Variants in LRRC4C observed in about 807,000 individuals in gnomAD.
LRRC4C encodes leucine rich repeat containing 4C, also known as leucine-rich repeat-containing protein 4C.
A neutral mutation model predicts 33.6 loss-of-function variants in LRRC4C; 5 were observed. That is an observed-to-expected ratio of 0.15 (90% CI 0.08 to 0.31). The LOEUF (loss-of-function observed/expected upper bound fraction) is 0.31. Among genes scored for constraint, LRRC4C ranks in the 10% least tolerant of loss-of-function variants. The pLI is 1.00. For synonymous variants in LRRC4C, 329 were observed against 302.0 expected (o/e 1.09, Z -0.93); for missense variants, 560 against 796.7 (o/e 0.70, Z 3.58).
Position 40,936,346 on chromosome 11 carries a change from T to G in LRRC4C, c.-495-2623A>C, listed in dbSNP as rs548954192. ...TAGTATCTAACACTTGTTTTTTTTTTTTTTTTTTTGAGATGGAGTCTCACT... is the reference window on the plus strand; with the variant it reads ...TAGTATCTAACACTTGTTTTTTTTTGTTTTTTTTTGAGATGGAGTCTCACT... On this transcript the variant is annotated intron_variant, in intron 1 of 6. Transcript: ENST00000528697. Among the ~76,000 whole-genome samples, 5 of 141,284 alleles carry G rather than the reference T, an allele frequency of 3.5e-5. No homozygotes were observed. In the South Asian group the frequency reaches 1.1e-3, roughly 32 times the overall value. The allele number at this position is 141,284 out of a possible 152,430, so 92.7% of individuals were successfully genotyped here. A position where few individuals can be genotyped will look rare whatever the true frequency, so the allele number is the denominator to read the frequency against.
At chr11:40,742,214 C>G (rs1033584697) in intron 2 of LRRC4C, among the ~76,000 whole-genome samples, 1 of 151,842 alleles carries the variant, frequency 6.6e-6, no homozygotes, top group Non-Finnish European at 1.5e-5. Context: ...GTCTTTGAGG[C>G]ATCATTGAGA....
rs141878081 is a variant in LRRC4C at position 41,287,338 on chromosome 11, A to G, written c.-496+172093T>C. 5.4e-3 allele frequency among the ~76,000 whole-genome samples: 828 copies of G among 152,294 alleles called. 9 individuals are homozygous for G. The highest frequency in any genetic ancestry group is 0.031 in the Middle Eastern group (9 of 294). On this transcript the variant is annotated intron_variant, in intron 1 of 6. Coordinates refer to ENST00000528697, the MANE Select transcript of LRRC4C (RefSeq NM_001258419.2). ...CAGAATTCTCAAGTCAGACCAGAAC[A>G]TAGGATGATGGAAGGGTTTCTTACT...
chr11:41,270,956 T>C (rs538725955), intron 1 of LRRC4C, among the ~76,000 whole-genome samples: 23 of 152,122 alleles, frequency 1.5e-4, no homozygotes, highest in African/African-American at 4.3e-4. Flanking sequence ...TGTGTGTCTC[T>C]GTATCTTAAA....
intron 2 of LRRC4C, among the ~76,000 whole-genome samples, chr11:40,774,741 G>A (rs1949909811): frequency 1.3e-5 from 2 of 152,154 alleles, no homozygotes; most frequent in South Asian, 4.1e-4. Flanking sequence ...CTATTGATGT[G>A]CATTTTTGTT....
chr11:40,364,785 C>T (rs1015232947), intron 3 of LRRC4C, among the ~76,000 whole-genome samples: 60 of 151,912 alleles, frequency 3.9e-4, no homozygotes, highest in African/African-American at 1.4e-3. Flanking sequence ...GGTAATGCAT[C>T]TTATAAACAG....
intron 1 of LRRC4C, among the ~76,000 whole-genome samples, chr11:41,210,837 G>A (rs1946793345): frequency 6.6e-6 from 1 of 152,174 alleles, no homozygotes; most frequent in East Asian, 1.9e-4. Context: ...TTCAGGGAAG[G>A]TAATTCTTCC....
At chr11:41,252,331 C>A (rs187833295) in intron 1 of LRRC4C, among the ~76,000 whole-genome samples, 1 of 152,236 alleles carries the variant, frequency 6.6e-6, no homozygotes, top group Non-Finnish European at 1.5e-5. Context: ...TTCTTGGTTA[C>A]ATTTTGAAGA....
intron 1 of LRRC4C, among the ~76,000 whole-genome samples, chr11:41,197,445 G>C (rs974916336): frequency 7.2e-5 from 11 of 151,984 alleles, no homozygotes; most frequent in African/African-American, 2.7e-4. Context: ...AAATCTATTT[G>C]CTTGTCCTAC....
intron 3 of LRRC4C, among the ~76,000 whole-genome samples, chr11:40,352,239 AT>A (rs756308994): frequency 1.1e-5 from 1 of 89,752 alleles, no homozygotes; most frequent in Non-Finnish European, 2.5e-5. Context: ...CTTGCTTTTT[AT>A]TTTTTGTGGA....
At chr11:40,675,057 G>A (rs1453002475) in intron 2 of LRRC4C, among the ~76,000 whole-genome samples, 1 of 152,140 alleles carries the variant, frequency 6.6e-6, no homozygotes, top group Admixed American at 6.5e-5. Context: ...ACACAAAGCA[G>A]AACTTCTATC....
intron 1 of LRRC4C, among the ~76,000 whole-genome samples, chr11:41,059,218 T>TTTTTTTC (rs1409324981): frequency 1.3e-5 from 2 of 149,546 alleles, no homozygotes; most frequent in East Asian, 2.0e-4. Flanking sequence ...AAGTTTTTTT[T>TTTTTTTC]TTTTTTTAAG....
At chr11:40,669,060 G>C (rs998671933) in intron 2 of LRRC4C, among the ~76,000 whole-genome samples, 3 of 152,194 alleles carry the variant, frequency 2.0e-5, no homozygotes, top group South Asian at 4.1e-4. Flanking sequence ...TTCTATTCTG[G>C]GTAGCCCTCG....
At chr11:40,750,814 A>G (rs1335720254) in intron 2 of LRRC4C, among the ~76,000 whole-genome samples, 3 of 151,836 alleles carry the variant, frequency 2.0e-5, no homozygotes, top group African/African-American at 7.3e-5. Flanking sequence ...AAAAGAAAAA[A>G]AAAAAAAGAA....
intron 4 of LRRC4C, among the ~76,000 whole-genome samples, chr11:40,285,373 G>C (rs775975580): frequency 1.2e-4 from 19 of 152,208 alleles, no homozygotes; most frequent in Non-Finnish European, 2.6e-4. Flanking sequence ...AGAGGCAGGT[G>C]ATGGGATCGT....
At position 40,201,470 on chromosome 11, in the gene LRRC4C, C is replaced by G. The variant is rs145912659; in HGVS notation, c.-96+40049G>C. Among the ~76,000 whole-genome samples the G allele has an allele frequency of 1.1e-4, 16 of 152,216 alleles. No individual in the cohort carries two copies. In the East Asian group the frequency reaches 1.4e-3, roughly 13 times the overall value. Reference sequence around the variant, plus strand: ...TTTCCTCTACTTCTACGAAATGAAGCCTTTCACTTTTATCTTCCCAAACTA... The same window carrying G: ...TTTCCTCTACTTCTACGAAATGAAGGCTTTCACTTTTATCTTCCCAAACTA... On this transcript the variant is annotated intron_variant, in intron 5 of 6. Transcript: ENST00000528697.
chr11:40,824,542 G>T (rs554535913), intron 2 of LRRC4C, among the ~76,000 whole-genome samples: 1 of 151,842 alleles, frequency 6.6e-6, no homozygotes, highest in East Asian at 1.9e-4. Context: ...TCTTCCCCAA[G>T]TTTAAATATG....
intron 4 of LRRC4C, among the ~76,000 whole-genome samples, chr11:40,289,203 C>T (rs1944035407): frequency 2.0e-5 from 3 of 152,124 alleles, no homozygotes; most frequent in Admixed American, 2.0e-4. Context: ...TGTTAAAGTG[C>T]TTAGCCAGAT....
At chr11:40,433,166 G>C (rs189816701) in intron 3 of LRRC4C, among the ~76,000 whole-genome samples, 2 of 152,164 alleles carry the variant, frequency 1.3e-5, no homozygotes, top group East Asian at 3.9e-4. Context: ...TATGCAAATA[G>C]CATTTAGGTT....
chr11:40,987,654 T>TATATATATA (rs1565274524), intron 1 of LRRC4C, among the ~76,000 whole-genome samples: 11 of 24,856 alleles, frequency 4.4e-4, no homozygotes, highest in Admixed American at 7.3e-4. Flanking sequence ...TATATATATC[T>TATATATATA]CATATATATG....
Sources: gnomAD v4.1 joint callset for allele counts (sites outside exome capture counted in the v4.1 genomes callset) on GRCh38, gnomAD v4.1.1 for gene constraint, MANE v1.5 for transcripts, NCBI Gene and HGNC (gene_info 2026-07-23, HGNC 2026-07-21) for gene names.